The following PPP2R3A variants were observed in gnomAD, a reference collection of about 807,000 sequenced individuals.
PPP2R3A encodes the protein serine/threonine-protein phosphatase 2A regulatory subunit B'' subunit alpha.
PPP2R3A carries 80 observed loss-of-function variants against 106.9 expected under a neutral mutation model. The ratio of observed to expected loss-of-function variants is 0.75; its 90% CI spans 0.62 to 0.90. PPP2R3A has a LOEUF of 0.90. Among genes scored for constraint, PPP2R3A ranks in the 40% least tolerant of loss-of-function variants. PPP2R3A has a pLI of 0.00. For missense variants in PPP2R3A, 1,386 were observed against 1,350.4 expected (o/e 1.03, Z -0.41); for synonymous variants, 483 against 468.3 (o/e 1.03, Z -0.41).
chr3:136,090,487 C>A, intron 9 of PPP2R3A, 91 bp from the exon 10 acceptor site: 1 of 1,033,576 alleles, frequency 9.7e-7, no homozygotes, highest in Non-Finnish European at 1.4e-6. Context: ...AAAATTTTAA[C>A]TGACATACTA....
chr3:135,999,896 C>T (rs1000672746), intron 1 of PPP2R3A, among the ~76,000 whole-genome samples: 13 of 152,142 alleles, frequency 8.5e-5, no homozygotes, highest in Non-Finnish European at 1.9e-4. Context: ...GCCTCAGCCT[C>T]CCGAGTAGCT....
rs988831860 is a variant in PPP2R3A at position 136,055,891 on chromosome 3, T to A, written c.2469+6530T>A. On this transcript the variant is annotated intron_variant, in intron 5 of 13. Coordinates refer to ENST00000264977, the MANE Select transcript of PPP2R3A (RefSeq NM_002718.5). ...TAAAGAGGGGAGCGTAAATCACCAT[T>A]CCTTAAGAGTAGGCTATGCATAGTG... 1.2e-5 allele frequency: 5 copies of A among 405,416 alleles called. No individual in the cohort carries two copies. In the Admixed American group the frequency reaches 1.9e-4, roughly 16 times the overall value. The allele number at this position is 405,416 out of a possible 1,614,324, so 25.1% of individuals were successfully genotyped here. A position where few individuals can be genotyped will look rare whatever the true frequency, so the allele number is the denominator to read the frequency against.
At position 136,145,160 on chromosome 3, in the gene PPP2R3A, A is replaced by C. The variant is rs1939066812; in HGVS notation, c.3447A>C (p.Glu1149Asp). Reference sequence around the variant, plus strand: ...GTGGAAAGCTTCAATCAGTGGATGAAGAATAGCTGCCGGTGTCTACAATGA... The same window carrying C: ...GTGGAAAGCTTCAATCAGTGGATGACGAATAGCTGCCGGTGTCTACAATGA... ...EKCGKLQSVD[E>D]E Residue 1149 changes from glutamate (E) to aspartate (D), a missense_variant, in exon 14 of 14, where the codon GAA becomes GAC. By Grantham distance (45) the Glu-to-Asp change is conservative. Coordinates refer to ENST00000264977, the MANE Select transcript of PPP2R3A (RefSeq NM_002718.5). 1 of 1,608,876 alleles carries C rather than the reference A, an allele frequency of 6.2e-7. No individual in the cohort carries two copies. The highest frequency in any genetic ancestry group is 1.3e-5 in the African/African-American group (1 of 74,614).
At chr3:136,022,935 A>G (rs2107816582) in intron 2 of PPP2R3A, 1 of 1,487,090 alleles carries the variant, frequency 6.7e-7, no homozygotes. Flanking sequence ...GGGAGAGCAC[A>G]ATGCTTGAAT....
rs776880993 is a variant in PPP2R3A, at chr3:136,147,529, G to A, written c.*2363G>A. The A allele has an allele frequency of 5.9e-5, 9 of 152,566 alleles. No homozygotes were observed. Among genetic ancestry groups the A allele is most frequent in the Non-Finnish European group, 1.3e-4 (9 of 68,032 alleles). The allele number at this position is 152,566 out of a possible 1,614,324, so 9.5% of individuals were successfully genotyped here. On this transcript the variant is annotated 3_prime_UTR_variant, in exon 14 of 14. Transcript: ENST00000264977. ...AGGAATGTGAATTCTGAGGAATTAA[G>A]GTAGAATATATTTGACTTTCTGGTA...
At chr3:136,039,782 C>T (rs1935202891) in intron 3 of PPP2R3A, among the ~76,000 whole-genome samples, 1 of 151,910 alleles carries the variant, frequency 6.6e-6, no homozygotes, top group South Asian at 2.1e-4. Flanking sequence ...TGTCCTTTTA[C>T]TCTCATGAGA....
intron 3 of PPP2R3A, among the ~76,000 whole-genome samples, chr3:136,036,407 G>A (rs1208528337): frequency 6.6e-6 from 1 of 152,130 alleles, no homozygotes; most frequent in Non-Finnish European, 1.5e-5. Flanking sequence ...GTCCCACAGG[G>A]TGTTCCCTTG....
intron 1 of PPP2R3A, among the ~76,000 whole-genome samples, chr3:135,974,922 C>G (rs1281015577): frequency 6.6e-6 from 1 of 152,238 alleles, no homozygotes; most frequent in Non-Finnish European, 1.5e-5. Flanking sequence ...GCAAGGGCCA[C>G]TTATCCCTTC....
chr3:136,057,663 A>G (rs1382123800), intron 5 of PPP2R3A, among the ~76,000 whole-genome samples: 1 of 152,218 alleles, frequency 6.6e-6, no homozygotes, highest in African/African-American at 2.4e-5. Flanking sequence ...GACATTGCAT[A>G]AAAGGAGACA....
intron 4 of PPP2R3A, 94 bp downstream of exon 4, chr3:136,041,056 C>A: frequency 1.0e-6 from 1 of 987,578 alleles, no homozygotes; most frequent in Non-Finnish European, 1.5e-6. Flanking sequence ...CTCATTTATA[C>A]ATTTTCCCTT....
At chr3:136,102,377 C>T (rs1165530602) in intron 11 of PPP2R3A, among the ~76,000 whole-genome samples, 195 bp downstream of exon 11, 4 of 133,222 alleles carry the variant, frequency 3.0e-5, no homozygotes, top group Non-Finnish European at 4.6e-5. Context: ...GATGCAGTCT[C>T]GCTTTGTCTG....
intron 12 of PPP2R3A, 151 bp from the exon 13 acceptor site, chr3:136,106,065 G>A (rs1305686192): frequency 1.3e-5 from 8 of 634,862 alleles, no homozygotes; most frequent in Non-Finnish European, 1.8e-5. Context: ...ATTACCTTAG[G>A]AGTTTTACCT....
At chr3:136,136,066 AAAAAAAATTATATATAT>A (rs1559940172) in intron 13 of PPP2R3A, among the ~76,000 whole-genome samples, 6 of 34,226 alleles carry the variant, frequency 1.8e-4, no homozygotes, top group Admixed American at 4.7e-4. Context: ...AAAAAAAAAA[AAAAAAAATTATATATAT>A]ATATATATAT....
intron 1 of PPP2R3A, among the ~76,000 whole-genome samples, chr3:135,998,563 T>G (rs1412033637): frequency 6.6e-6 from 1 of 152,228 alleles, no homozygotes; most frequent in Non-Finnish European, 1.5e-5. Flanking sequence ...ATGTATCTAA[T>G]GACTTTTTTT....
intron 4 of PPP2R3A, among the ~76,000 whole-genome samples, chr3:136,041,239 TTTTTTTTTTTG>T (rs1157728395): frequency 0.33 from 1,964 of 5,956 alleles, 267 homozygotes; most frequent in South Asian, 0.52. Flanking sequence ...GTTTTTCTTG[TTTTTTTTTTTG>T]TTTTTTTTTT....
At chr3:136,049,791 C>T (rs1313545708) in intron 5 of PPP2R3A, among the ~76,000 whole-genome samples, 1 of 152,198 alleles carries the variant, frequency 6.6e-6, no homozygotes, top group Admixed American at 6.5e-5. Flanking sequence ...CTCTCACGAA[C>T]TCTGGGGTCT....
chr3:136,086,070 G>A (rs1936919608), intron 8 of PPP2R3A, among the ~76,000 whole-genome samples: 1 of 152,000 alleles, frequency 6.6e-6, no homozygotes, highest in African/African-American at 2.4e-5. Flanking sequence ...AGTTGAGGAT[G>A]CAGTGAGCCA....
Position 136,025,369 on chromosome 3 carries a change from T to G in PPP2R3A, c.1996-1463T>G, listed in dbSNP as rs539763004. On this transcript the variant is annotated intron_variant, in intron 2 of 13. Coordinates refer to ENST00000264977, the MANE Select transcript of PPP2R3A (RefSeq NM_002718.5). ...TGTTTCTTCCTTGACTATTGCTTTA[T>G]ATGGGTGACATCCTGATACTGTAGC... Among the ~76,000 whole-genome samples, 7 of 152,226 alleles carry G rather than the reference T, an allele frequency of 4.6e-5. No individual in the cohort carries two copies. The South Asian group carries it at 1.4e-3, about 32-fold the overall frequency.
intron 1 of PPP2R3A, among the ~76,000 whole-genome samples, chr3:135,979,372 C>CAA (rs58845726): frequency 1.5e-5 from 2 of 129,472 alleles, no homozygotes; most frequent in African/African-American, 2.8e-5. Flanking sequence ...GACTCCATCT[C>CAA]AAAAAAAAAA....
Sources: allele counts gnomAD v4.1 joint callset (sites outside exome capture counted in the v4.1 genomes callset), GRCh38; gene constraint gnomAD v4.1.1; transcripts MANE v1.5; gene names NCBI Gene and HGNC (gene_info 2026-07-23, HGNC 2026-07-21).